RC3H1: variants seen among roughly 807,000 people sequenced by gnomAD.
RC3H1 encodes roquin-1.
In RC3H1, 50 loss-of-function variants were observed where a neutral mutation model predicts 138.2. The observed-to-expected ratio is 0.36, with a 90% CI of 0.29 to 0.46. RC3H1 has a LOEUF of 0.46. Ranked by LOEUF, RC3H1 falls within the 20% of genes least tolerant of loss-of-function variation. RC3H1 has a pLI of 1.00. For missense variants in RC3H1, 1,031 were observed against 1,388.1 expected, an observed-to-expected ratio of 0.74 and a Z score of 4.09; for synonymous variants, 462 against 489.1, an observed-to-expected ratio of 0.94 and a Z score of 0.73.
chr1:173,942,762 A>G (rs963130812), intron 18 of RC3H1, among the ~76,000 whole-genome samples: 10 of 151,778 alleles, frequency 6.6e-5, no homozygotes, highest in African/African-American at 2.4e-4. Context: ...CCCGGGAGGC[A>G]GAGCTTGCAA....
At chr1:174,018,315 G>T (rs116281061) in intron 1 of RC3H1, among the ~76,000 whole-genome samples, 1 of 152,020 alleles carries the variant, frequency 6.6e-6, no homozygotes, top group African/African-American at 2.4e-5. Flanking sequence ...CCTCAATCAG[G>T]AAAACAATAT....
chr1:173,993,090 T>TA lies in RC3H1; in HGVS notation c.-106dup. On this transcript the variant is annotated 5_prime_UTR_variant, in exon 2 of 20. Transcript: ENST00000367696. ...AAAAAAAGTTTATCTTTTTTTTTTT[T>TA]AAATATCTTCTGTAGATACAGTCAG... 1 of 789,914 alleles carries TA rather than the reference T, an allele frequency of 1.3e-6. No individual in the cohort carries two copies. The highest frequency in any genetic ancestry group is 2.0e-6 in the Non-Finnish European group (1 of 491,468). 48.9% of individuals were successfully genotyped at this position (789,914 alleles called of 1,614,324 possible).
In RC3H1 at chr1:173,943,336, C is replaced by T. The variant is rs1658989756; in HGVS notation, c.3135+106G>A. On this transcript the variant is annotated intron_variant, in intron 18 of 19. Transcript: ENST00000367696. The stretch of plus-strand genomic sequence containing the variant: ...TGAGAATTATTTTAAATATTAACCA[C>T]TCATCAGAGTGCCTTGAAGTGATGA... 2.9e-6 allele frequency: 3 copies of T among 1,036,546 alleles called. No individual in the cohort carries two copies. The African/African-American group carries it at 4.9e-5, about 17-fold the overall frequency. 64.2% of individuals were successfully genotyped at this position (1,036,546 alleles called of 1,614,324 possible). A position where few individuals can be genotyped will look rare whatever the true frequency, so the allele number is the denominator to read the frequency against.
intron 19 of RC3H1, 28 bp from the exon 20 acceptor site, chr1:173,938,899 GGAGA>G (rs749579449): frequency 1.9e-6 from 3 of 1,542,258 alleles, no homozygotes; most frequent in Admixed American, 2.0e-5. Context: ...TTTTGAAAAA[GGAGA>G]GAGAGAAAAA....
Position 173,965,081 on chromosome 1 carries a change from G to A in RC3H1, c.1374C>T (p.Pro458=). The A allele has an allele frequency of 1.9e-6, 3 of 1,614,114 alleles. No homozygotes were observed. The highest frequency in any genetic ancestry group is 2.2e-5 in the East Asian group (1 of 44,886). Residue 458 remains proline, a synonymous_variant, in exon 10 of 20, where the codon CCC becomes CCT. Coordinates refer to ENST00000367696, the MANE Select transcript of RC3H1 (RefSeq NM_172071.4). ...KMNKRLVPRR[P]LSASLGQLNE... ...TAAGTTGACCCAAAGAGGCACTCAA[G>A]GGTCTTCTCGGAACCAGGCGCTTAT...
intron 1 of RC3H1, among the ~76,000 whole-genome samples, chr1:174,006,711 A>C (rs561013954): frequency 6.6e-6 from 1 of 152,320 alleles, no homozygotes; most frequent in South Asian, 2.1e-4. Flanking sequence ...GTTTAAACCT[A>C]CTTGTTTATT....
At chr1:173,972,688 A>C in intron 7 of RC3H1, 61 bp from the exon 8 acceptor site, 2 of 1,085,578 alleles carry the variant, frequency 1.8e-6, no homozygotes, top group Non-Finnish European at 2.8e-6. Context: ...CCTAATATCA[A>C]ATTAATAAAA....
Position 173,952,118 on chromosome 1 carries a change from C to T in RC3H1, c.2391G>A (p.Lys797=). The T allele has an allele frequency of 6.5e-7, 1 of 1,541,074 alleles. No individual in the cohort carries two copies. The highest frequency in any genetic ancestry group is 8.7e-7 in the Non-Finnish European group (1 of 1,144,108). ...HPEEFLDEDL[K]VAGKYKGNDY... ...CATTTCCTTTGTATTTCCCAGCTAC[C>T]TTCAAGTCTTCATCCAAAAACTACA... Residue 797 remains lysine, a synonymous_variant, in exon 14 of 20, where the codon AAG becomes AAA. Coordinates refer to ENST00000367696, the MANE Select transcript of RC3H1 (RefSeq NM_172071.4).
In RC3H1 at chr1:173,993,022, A is replaced by G; in HGVS notation, c.-37T>C. ...TTACAATTCACGAACACAAACACAC[A>G]CACAAATCTAAAGCAAAGATTCCAC... On this transcript the variant is annotated 5_prime_UTR_variant, in exon 2 of 20. Coordinates refer to ENST00000367696, the MANE Select transcript of RC3H1 (RefSeq NM_172071.4). 1 of 1,420,294 alleles carries G rather than the reference A, an allele frequency of 7.0e-7. No homozygotes were observed. The highest frequency in any genetic ancestry group is 1.4e-5 in the African/African-American group (1 of 71,038). The allele number at this position is 1,420,294 out of a possible 1,614,324, so 88.0% of individuals were successfully genotyped here.
intron 3 of RC3H1, among the ~76,000 whole-genome samples, chr1:173,983,862 CAT>C (rs1660919105): frequency 6.6e-6 from 1 of 152,108 alleles, no homozygotes; most frequent in Non-Finnish European, 1.5e-5. Context: ...TGAGTTATCT[CAT>C]GTGCACTTAG....
In RC3H1 at chr1:173,933,859, G is replaced by A. The variant is rs1201707712; in HGVS notation, c.*4862C>T. 6.6e-6 allele frequency: 1 copy of A among 152,134 alleles called. No individual in the cohort carries two copies. The highest frequency in any genetic ancestry group is 1.9e-4 in the East Asian group (1 of 5,190). The allele number at this position is 152,134 out of a possible 1,614,324, so 9.4% of individuals were successfully genotyped here. A position where few individuals can be genotyped will look rare whatever the true frequency, so the allele number is the denominator to read the frequency against. The stretch of plus-strand genomic sequence containing the variant: ...TAGTAGGTCTAATTTTTCTTAAAAG[G>A]ATAGGCAGATTTTTCAGGGGAAGAG... On this transcript the variant is annotated 3_prime_UTR_variant, in exon 20 of 20. Transcript: ENST00000367696.
chr1:173,986,379 T>G (rs1156760449), intron 2 of RC3H1, among the ~76,000 whole-genome samples: 1 of 151,922 alleles, frequency 6.6e-6, no homozygotes, highest in Non-Finnish European at 1.5e-5. Context: ...AGAGAAAGAG[T>G]CTCGCTCTGT....
chr1:173,998,753 G>T (rs887144490), intron 1 of RC3H1, among the ~76,000 whole-genome samples: 3 of 151,616 alleles, frequency 2.0e-5, no homozygotes, highest in Non-Finnish European at 2.9e-5. Context: ...CTTTACTCAG[G>T]TTTTTTTTCT....
Position 173,943,599 on chromosome 1 carries a change from A to G in RC3H1, c.2978T>C (p.Leu993Pro). ...LRGLEAVSNRLVLQREANTLA... is the reference protein window; with the variant it reads ...LRGLEAVSNRPVLQREANTLA... ...GGTGTTTGCCTCCCTCTGCAACACCAGCCTGTTACTAACAGCCTAGTGCAT... is the reference window on the plus strand; with the variant it reads ...GGTGTTTGCCTCCCTCTGCAACACCGGCCTGTTACTAACAGCCTAGTGCAT... The change falls in exon 18 of 20, where the codon CTG (leucine) becomes CCG (proline). Residue 993 changes from leucine (L) to proline (P), a missense_variant. Physicochemically the swap from Leu to Pro is moderately conservative, Grantham distance 98. Around this residue, in one of 7 missense-constraint regions of RC3H1, gnomAD observed 716 missense variants for 837.9 expected, o/e 0.85. Transcript: ENST00000367696. The G allele has an allele frequency of 6.2e-7, 1 of 1,613,200 alleles. No individual in the cohort carries two copies. Among genetic ancestry groups the G allele is most frequent in the Non-Finnish European group, 8.5e-7 (1 of 1,179,632 alleles).
chr1:173,940,455 G>A (rs1332617920), intron 19 of RC3H1, among the ~76,000 whole-genome samples: 1 of 151,928 alleles, frequency 6.6e-6, no homozygotes, highest in Non-Finnish European at 1.5e-5. Context: ...TGGGCAACAA[G>A]AGTGAAGCTC....
chr1:173,941,564 C>T, intron 18 of RC3H1, 184 bp from the exon 19 acceptor site: 1 of 492,250 alleles, frequency 2.0e-6, no homozygotes, highest in Non-Finnish European at 3.6e-6. Flanking sequence ...AATCCACTTG[C>T]TCACTAACCA....
chr1:173,993,212 G>T, intron 1 of RC3H1, 77 bp from the exon 2 acceptor site: 1 of 515,276 alleles, frequency 1.9e-6, no homozygotes. Flanking sequence ...CACAAGTCCA[G>T]TCTTATTCCA....
chr1:173,940,076 G>C (rs1036250003), intron 19 of RC3H1, among the ~76,000 whole-genome samples: 4 of 152,152 alleles, frequency 2.6e-5, no homozygotes, highest in Non-Finnish European at 4.4e-5. Context: ...CGTATCTACA[G>C]AATAATACTG....
intron 1 of RC3H1, among the ~76,000 whole-genome samples, chr1:174,012,977 T>C (rs1661795137): frequency 1.3e-5 from 2 of 151,706 alleles, no homozygotes; most frequent in South Asian, 4.1e-4. Context: ...TATTATAGAA[T>C]GCTGCAACAT....
Sources: allele counts gnomAD v4.1 joint callset (sites outside exome capture counted in the v4.1 genomes callset), GRCh38; gene constraint gnomAD v4.1.1; regional missense constraint gnomAD v4.1.1; transcripts MANE v1.5; gene names NCBI Gene and HGNC (gene_info 2026-07-23, HGNC 2026-07-21).